Variants in KALRN observed in about 807,000 individuals in gnomAD.
KALRN encodes kalirin RhoGEF kinase.
Under a neutral mutation model 353.7 loss-of-function variants are expected in KALRN, and 70 were observed. The observed-to-expected ratio is 0.20, with a 90% CI of 0.16 to 0.24. KALRN has a LOEUF of 0.24. KALRN is among the 10% of genes least tolerant of loss of function. The pLI is 1.00. For synonymous variants in KALRN, 1,391 were observed against 1,434.8 expected (o/e 0.97, Z 0.69); for missense variants, 2,791 against 3,756.7 (o/e 0.74, Z 6.72).
intron 33 of KALRN, among the ~76,000 whole-genome samples, chr3:124,547,112 G>A (rs2069773780): frequency 6.6e-6 from 1 of 152,042 alleles, no homozygotes; most frequent in African/African-American, 2.4e-5. Flanking sequence ...ACCGGGAGAG[G>A]AGCACCTCTT....
Position 124,081,672 on chromosome 3 carries a change from AG to A in KALRN, c.73+47861del, listed in dbSNP as rs761596330. On this transcript the variant is annotated intron_variant, in intron 1 of 59. Transcript: ENST00000682506. ...TGTAGTCCAGCTACTCAGGAGGCCG[AG>A]GTGGGAGGATCCCTTGAGCCTGAAA... 1.5e-3 allele frequency among the ~76,000 whole-genome samples: 224 copies of A among 151,694 alleles called. 1 individual carries two copies. The highest frequency in any genetic ancestry group is 3.0e-3 in the Non-Finnish European group (201 of 67,946).
At chr3:124,562,055 G>C (rs1208190946) in intron 33 of KALRN, among the ~76,000 whole-genome samples, 1 of 152,226 alleles carries the variant, frequency 6.6e-6, no homozygotes, top group Non-Finnish European at 1.5e-5. Context: ...AGATGCCAGT[G>C]TGGAGACAAG....
chr3:124,473,841 A>G (rs1350397822), intron 25 of KALRN, among the ~76,000 whole-genome samples: 1 of 152,236 alleles, frequency 6.6e-6, no homozygotes, highest in Non-Finnish European at 1.5e-5. Context: ...TAAAGATCGT[A>G]GCATTTCCAC....
intron 25 of KALRN, among the ~76,000 whole-genome samples, chr3:124,473,591 G>C (rs1436025708): frequency 6.6e-6 from 1 of 152,188 alleles, no homozygotes; most frequent in Non-Finnish European, 1.5e-5. Flanking sequence ...AAAACATAGA[G>C]AGCTGTGTCT....
rs1381924590 is a variant in KALRN at position 124,081,562 on chromosome 3, G to A, written c.73+47749G>A. On this transcript the variant is annotated intron_variant, in intron 1 of 59. Transcript: ENST00000682506. Reference sequence around the variant, plus strand: ...GAAACAGGCAGATCGCTTGAACCTAGGAGTTCAAGACCAGGCTGGGCAACA... The same window carrying A: ...GAAACAGGCAGATCGCTTGAACCTAAGAGTTCAAGACCAGGCTGGGCAACA... Among the ~76,000 whole-genome samples the A allele has an allele frequency of 3.3e-5, 5 of 152,270 alleles. No homozygotes were observed. The East Asian group carries it at 7.7e-4, about 24-fold the overall frequency.
At chr3:124,673,345 C>T (rs1200934523) in intron 48 of KALRN, among the ~76,000 whole-genome samples, 1 of 152,022 alleles carries the variant, frequency 6.6e-6, no homozygotes, top group East Asian at 1.9e-4. Context: ...ATGACTCTGC[C>T]ACTGCACTCT....
intron 57 of KALRN, among the ~76,000 whole-genome samples, chr3:124,707,455 T>C (rs919277853): frequency 6.9e-6 from 1 of 145,756 alleles, no homozygotes; most frequent in Non-Finnish European, 1.5e-5. Context: ...CCCTCCTTCC[T>C]TCCTTCCCTC....
At chr3:124,085,621 G>C (rs1389710534) in intron 1 of KALRN, among the ~76,000 whole-genome samples, 2 of 152,124 alleles carry the variant, frequency 1.3e-5, no homozygotes, top group East Asian at 1.9e-4. Context: ...TTATGAGTAG[G>C]GGGTAGAGAA....
intron 1 of KALRN, among the ~76,000 whole-genome samples, chr3:124,097,426 C>T (rs1392532915): frequency 5.9e-5 from 9 of 152,134 alleles, no homozygotes; most frequent in Admixed American, 5.9e-4. Flanking sequence ...TCATCATTGT[C>T]GTGCCTTATG....
At chr3:124,598,741 A>G (rs2076508963) in intron 34 of KALRN, among the ~76,000 whole-genome samples, 1 of 152,060 alleles carries the variant, frequency 6.6e-6, no homozygotes, top group Non-Finnish European at 1.5e-5. Context: ...CAGTGGCTCA[A>G]TCTCGGCTCA....
In KALRN at chr3:124,423,091, A is replaced by C. The variant is rs529184734; in HGVS notation, c.2709+113A>C. 3 of 943,050 alleles carry C rather than the reference A, an allele frequency of 3.2e-6. No homozygotes were observed. In the African/African-American group the frequency reaches 4.9e-5, roughly 16 times the overall value. 58.4% of individuals were successfully genotyped at this position (943,050 alleles called of 1,614,324 possible). ...CAGAGCCACAGGTGCCCCTTTAAGT[A>C]ACCAGCACTTCGAAAATAGGTAAGT... On this transcript the variant is annotated intron_variant, in intron 15 of 59. Coordinates refer to ENST00000682506, the MANE Select transcript of KALRN (RefSeq NM_001388419.1).
chr3:124,531,437 G>T (rs1046941167), intron 33 of KALRN, among the ~76,000 whole-genome samples: 1 of 152,144 alleles, frequency 6.6e-6, no homozygotes, highest in Non-Finnish European at 1.5e-5. Context: ...TTTAGCTCAT[G>T]GTTTGCTTTC....
chr3:124,407,316 TTA>T (rs769593545), intron 13 of KALRN, among the ~76,000 whole-genome samples: 3 of 150,966 alleles, frequency 2.0e-5, no homozygotes, highest in Non-Finnish European at 1.5e-5. Flanking sequence ...ATGTTTTCTT[TTA>T]TATATATATA....
chr3:124,552,636 T>A (rs1205934817), intron 33 of KALRN, among the ~76,000 whole-genome samples: 2 of 152,206 alleles, frequency 1.3e-5, no homozygotes, highest in Admixed American at 6.5e-5. Flanking sequence ...CAAAGGGAAA[T>A]TATAGCCTAA....
chr3:124,313,180 C>T (rs1369331437), intron 6 of KALRN, among the ~76,000 whole-genome samples: 1 of 152,176 alleles, frequency 6.6e-6, no homozygotes, highest in Non-Finnish European at 1.5e-5. Context: ...CAGGAACTAC[C>T]AGACTGCATG....
intron 1 of KALRN, among the ~76,000 whole-genome samples, chr3:124,148,209 T>G (rs2067624345): frequency 6.6e-6 from 1 of 152,198 alleles, no homozygotes. Flanking sequence ...TAATGCATTT[T>G]TTGTTTTTAG....
rs2093571174 is a variant in KALRN, at chr3:124,438,906, A to T, written c.3067A>T (p.Ser1023Cys). 6.2e-7 allele frequency: 1 copy of T among 1,613,784 alleles called. No homozygotes were observed. Among genetic ancestry groups the T allele is most frequent in the East Asian group, 2.2e-5 (1 of 44,856 alleles). The stretch of plus-strand genomic sequence containing the variant: ...TCACTAGGTGTGTAGTGTCCTGGAG[A>T]GCTTAGAGCAAGAATACCGGAGAGA... ...TSEQVCSVLE[S>C]LEQEYRRDED... Residue 1023 changes from serine to cysteine, a missense_variant, in exon 18 of 60, where the codon AGC (serine) becomes TGC (cysteine). Ser to Cys is a moderately radical substitution (Grantham distance 112, BLOSUM62 -1). Around this residue, in one of 11 missense-constraint regions of KALRN, gnomAD observed 452 missense variants for 575.8 expected, o/e 0.78. Transcript: ENST00000682506.
rs185796603 is a variant in KALRN at position 124,201,217 on chromosome 3, T to G, written c.74-26773T>G. On this transcript the variant is annotated intron_variant, in intron 1 of 59. Transcript: ENST00000682506. The stretch of plus-strand genomic sequence containing the variant: ...GGAATGCCAGGTCCAACCTCTTACT[T>G]AAGACAAATAAGCACCTTACTTGTT... Among the ~76,000 whole-genome samples the G allele has an allele frequency of 4.6e-5, 7 of 152,344 alleles. 1 individual carries two copies. The highest frequency in any genetic ancestry group is 1.7e-4 in the African/African-American group (7 of 41,592).
intron 10 of KALRN, among the ~76,000 whole-genome samples, chr3:124,370,900 C>T (rs12495223): frequency 0.12 from 17,720 of 152,234 alleles, 1,269 homozygotes; most frequent in Non-Finnish European, 0.16. Flanking sequence ...TTTTTTCACA[C>T]ATTGATGTGG....
Sources: allele counts gnomAD v4.1 joint callset (sites outside exome capture counted in the v4.1 genomes callset), GRCh38; gene constraint gnomAD v4.1.1; regional missense constraint gnomAD v4.1.1; transcripts MANE v1.5; gene names NCBI Gene and HGNC (gene_info 2026-07-23, HGNC 2026-07-21).